Variants in RGS6 observed in about 807,000 individuals in gnomAD.
The protein encoded by RGS6 is regulator of G-protein signaling 6.
In RGS6, 30 loss-of-function variants were observed where a neutral mutation model predicts 78.5. The observed-to-expected ratio is 0.38, with a 90% confidence interval of 0.29 to 0.52. The LOEUF (loss-of-function observed/expected upper bound fraction) is 0.52. Among genes scored for constraint, RGS6 ranks in the 20% least tolerant of loss-of-function variants. RGS6 has a pLI of 0.85. For synonymous variants in RGS6, 206 were observed against 206.0 expected (o/e 1.00, Z 0.00); for missense variants, 495 against 609.7 (o/e 0.81, Z 1.98).
At chr14:72,178,686 G>A (rs1453183196) in intron 2 of RGS6, among the ~76,000 whole-genome samples, 1 of 152,196 alleles carries the variant, frequency 6.6e-6, no homozygotes, top group African/African-American at 2.4e-5. Flanking sequence ...CTCAAGGCTG[G>A]GAGGTACTGA....
intron 2 of RGS6, among the ~76,000 whole-genome samples, chr14:72,227,033 C>T (rs1388245573): frequency 6.6e-6 from 1 of 152,160 alleles, no homozygotes; most frequent in Non-Finnish European, 1.5e-5. Flanking sequence ...GATATATACA[C>T]AACATTCATC....
In RGS6 at chr14:72,168,010, G is replaced by A. The variant is rs541615939; in HGVS notation, c.85-184085G>A. 7.1e-4 allele frequency among the ~76,000 whole-genome samples: 108 copies of A among 152,240 alleles called. 1 individual carries two copies. Among genetic ancestry groups the A allele is most frequent in the South Asian group, 1.9e-3 (9 of 4,820 alleles). On this transcript the variant is annotated intron_variant, in intron 2 of 17. Coordinates refer to ENST00000553525, the MANE Select transcript of RGS6 (RefSeq NM_001204424.2). ...GGAAGAGGGGCTGAGCAGTAATTGC[G>A]GAGAACCCTAGGGGATCCCAGCAGT...
At chr14:72,484,778 A>G (rs1356053643) in intron 12 of RGS6, among the ~76,000 whole-genome samples, 1 of 152,110 alleles carries the variant, frequency 6.6e-6, no homozygotes, top group African/African-American at 2.4e-5. Context: ...AGGATTGGTT[A>G]CTATTGTTAG....
intron 2 of RGS6, among the ~76,000 whole-genome samples, chr14:72,026,587 A>G (rs1305903351): frequency 3.3e-5 from 5 of 152,216 alleles, no homozygotes; most frequent in Non-Finnish European, 7.4e-5. Flanking sequence ...AGCCAATCAA[A>G]GAATCAATTA....
At chr14:72,522,135 G>A (rs921370482) in intron 15 of RGS6, among the ~76,000 whole-genome samples, 2 of 152,182 alleles carry the variant, frequency 1.3e-5, no homozygotes, top group African/African-American at 4.8e-5. Context: ...TCTCGAGACT[G>A]ACAAATCCAA....
chr14:72,604,126 A>G, the RGS6 span, among the ~76,000 whole-genome samples: 136,646 of 152,118 alleles, frequency 0.9, 61,484 homozygotes, highest in Non-Finnish European at 0.92. Flanking sequence ...CTGAGCCCCC[A>G]ACATTGGCTC....
the RGS6 span, among the ~76,000 whole-genome samples, chr14:72,593,396 GT>G: frequency 2.4e-5 from 3 of 126,272 alleles, no homozygotes; most frequent in African/African-American, 7.9e-5. Context: ...TTTTTGTTTT[GT>G]TTTTTTGAGA....
At chr14:72,161,200 A>G (rs1323633344) in intron 2 of RGS6, among the ~76,000 whole-genome samples, 3 of 152,160 alleles carry the variant, frequency 2.0e-5, no homozygotes, top group Admixed American at 6.5e-5. Flanking sequence ...ACACATGAGC[A>G]CAAGGAGGGG....
intron 2 of RGS6, among the ~76,000 whole-genome samples, chr14:72,009,719 T>C (rs1208152000): frequency 2.0e-5 from 3 of 152,180 alleles, no homozygotes; most frequent in Non-Finnish European, 4.4e-5. Flanking sequence ...ATAATAAATA[T>C]TTGTTATGTT....
intron 1 of RGS6, among the ~76,000 whole-genome samples, chr14:71,936,030 ATATATATATATG>A (rs1359536177): frequency 3.0e-5 from 4 of 133,222 alleles, no homozygotes; most frequent in Non-Finnish European, 6.4e-5. Context: ...ATATATATAT[ATATATATATATG>A]TACATATATA....
At position 72,525,093 on chromosome 14, in the gene RGS6, TAATGCTG is replaced by T. The variant is rs981176875; in HGVS notation, c.1278+6568_1278+6574del. ...TTTATAAGTTCCTGCATCACAAAGG[TAATGCTG>T]AATGCTGAATGTCAGCTAAATGCTG... On this transcript the variant is annotated intron_variant, in intron 15 of 17. Coordinates refer to ENST00000553525, the MANE Select transcript of RGS6 (RefSeq NM_001204424.2). Among the ~76,000 whole-genome samples, 11 of 152,328 alleles carry T rather than the reference TAATGCTG, an allele frequency of 7.2e-5. No individual in the cohort carries two copies. In the South Asian group the frequency reaches 2.1e-3, roughly 29 times the overall value.
chr14:72,170,278 CT>C (rs537236555), intron 2 of RGS6, among the ~76,000 whole-genome samples: 27 of 152,188 alleles, frequency 1.8e-4, no homozygotes, highest in Non-Finnish European at 4.0e-4. Flanking sequence ...TGAGGTAGAC[CT>C]TATAAATGGT....
chr14:72,427,771 G>T (rs1012489627), intron 3 of RGS6, among the ~76,000 whole-genome samples: 1 of 152,146 alleles, frequency 6.6e-6, no homozygotes, highest in Admixed American at 6.5e-5. Flanking sequence ...TAGCTTCTCA[G>T]TTCCCTGTCT....
At chr14:72,459,611 A>C in intron 5 of RGS6, 21 bp from the exon 6 acceptor site, 23 of 1,613,804 alleles carry the variant, frequency 1.4e-5, no homozygotes, top group Non-Finnish European at 1.9e-5. Flanking sequence ...CCTGAGCACT[A>C]ACACCCATGC....
chr14:72,583,592 G>A, the RGS6 span, among the ~76,000 whole-genome samples: 1 of 152,218 alleles, frequency 6.6e-6, no homozygotes, highest in African/African-American at 2.4e-5. Context: ...CTGGTTCCAT[G>A]AAGAAGAGAA....
At chr14:72,040,087 C>A (rs948316347) in intron 2 of RGS6, among the ~76,000 whole-genome samples, 5 of 151,828 alleles carry the variant, frequency 3.3e-5, no homozygotes, top group Non-Finnish European at 1.5e-5. Context: ...TATTGCATAT[C>A]CATTTATAGA....
At chr14:71,944,756 CACTT>C (rs1360468337) in intron 1 of RGS6, among the ~76,000 whole-genome samples, 2 of 152,136 alleles carry the variant, frequency 1.3e-5, no homozygotes, top group East Asian at 3.8e-4. Flanking sequence ...AGTCACGTGT[CACTT>C]AATGACCAGG....
At chr14:72,376,968 A>C (rs974415146) in intron 3 of RGS6, among the ~76,000 whole-genome samples, 1 of 152,162 alleles carries the variant, frequency 6.6e-6, no homozygotes, top group African/African-American at 2.4e-5. Flanking sequence ...AAAAACACCC[A>C]ACTGCAAAAA....
chr14:72,167,148 G>A (rs1349296200), intron 2 of RGS6, among the ~76,000 whole-genome samples: 1 of 152,182 alleles, frequency 6.6e-6, no homozygotes, highest in Non-Finnish European at 1.5e-5. Flanking sequence ...CTCAACTGGG[G>A]AAGGATCCAC....
Sources: gnomAD v4.1 joint callset for allele counts (sites outside exome capture counted in the v4.1 genomes callset) on GRCh38, gnomAD v4.1.1 for gene constraint, MANE v1.5 for transcripts, NCBI Gene and HGNC (gene_info 2026-07-23, HGNC 2026-07-21) for gene names.